The following KCNS3 variants were observed in gnomAD, a reference collection of about 807,000 sequenced individuals.
KCNS3 encodes the protein delayed-rectifier potassium channel regulatory subunit KCNS3.
Under a neutral mutation model 31.0 loss-of-function variants are expected in KCNS3, and 13 were observed. The ratio of observed to expected loss-of-function variants is 0.42; its 90% CI spans 0.27 to 0.67. The LOEUF (loss-of-function observed/expected upper bound fraction) is 0.67, where lower values mean the gene tolerates loss of function less well. Among genes scored for constraint, KCNS3 ranks in the 30% least tolerant of loss-of-function variants. KCNS3 has a pLI of 0.25. For missense variants in KCNS3, 545 were observed against 622.4 expected (o/e 0.88, Z 1.32); for synonymous variants, 238 against 241.5 (o/e 0.99, Z 0.13).
chr2:17,884,462 G>C (rs1288923928), intron 1 of KCNS3, among the ~76,000 whole-genome samples: 1 of 151,748 alleles, frequency 6.6e-6, no homozygotes. Flanking sequence ...AGGCTGTGAA[G>C]AACAGATAGA....
Position 17,930,940 on chromosome 2 carries a change from C to T in KCNS3, c.-59-10C>T, listed in dbSNP as rs1421129072. On this transcript the variant is annotated splice_polypyrimidine_tract_variant and intron_variant, in intron 2 of 2. Coordinates refer to ENST00000304101, the MANE Select transcript of KCNS3 (RefSeq NM_002252.5). The stretch of plus-strand genomic sequence containing the variant: ...GACAGAGTGCTAATATCATCTTGTG[C>T]TCTTTCCAGGTGCAGCCTGATCTTC... 2 of 1,540,662 alleles carry T rather than the reference C, an allele frequency of 1.3e-6. No homozygotes were observed. Among genetic ancestry groups the T allele is most frequent in the East Asian group, 2.3e-5 (1 of 44,388 alleles).
intron 1 of KCNS3, among the ~76,000 whole-genome samples, chr2:17,912,659 G>T (rs937244422): frequency 3.3e-5 from 5 of 152,230 alleles, no homozygotes; most frequent in Non-Finnish European, 5.9e-5. Flanking sequence ...CCAGGGGGAG[G>T]TTGTCTAGAA....
intron 1 of KCNS3, among the ~76,000 whole-genome samples, chr2:17,890,552 G>A (rs990512092): frequency 6.6e-6 from 1 of 151,984 alleles, no homozygotes; most frequent in African/African-American, 2.4e-5. Context: ...ACTTTTTGAG[G>A]TAGGCACTTA....
chr2:17,923,708 C>T (rs1186393785), intron 2 of KCNS3, among the ~76,000 whole-genome samples: 1 of 151,668 alleles, frequency 6.6e-6, no homozygotes, highest in African/African-American at 2.4e-5. Flanking sequence ...CCAGCTGTTC[C>T]AATACTATTT....
chr2:17,897,889 A>G (rs1662069184), intron 1 of KCNS3, among the ~76,000 whole-genome samples: 1 of 152,164 alleles, frequency 6.6e-6, no homozygotes, highest in African/African-American at 2.4e-5. Context: ...AATGACTTCT[A>G]GAAAGAAAAC....
intron 1 of KCNS3, among the ~76,000 whole-genome samples, chr2:17,911,142 C>G (rs62131499): frequency 5.9e-5 from 9 of 152,232 alleles, no homozygotes; most frequent in African/African-American, 2.2e-4. Flanking sequence ...CTCTTCTGAA[C>G]TTCCTCAATA....
At chr2:17,910,250 T>C (rs964023307) in intron 1 of KCNS3, among the ~76,000 whole-genome samples, 1 of 152,222 alleles carries the variant, frequency 6.6e-6, no homozygotes, top group African/African-American at 2.4e-5. Flanking sequence ...TATTTTGAGA[T>C]CTCTTCAATA....
At chr2:17,900,165 C>T (rs934161735) in intron 1 of KCNS3, among the ~76,000 whole-genome samples, 3 of 152,118 alleles carry the variant, frequency 2.0e-5, no homozygotes, top group African/African-American at 7.2e-5. Flanking sequence ...AGATTGTTTG[C>T]TTATTCATTA....
intron 1 of KCNS3, among the ~76,000 whole-genome samples, chr2:17,907,656 TG>T (rs1252825068): frequency 6.6e-5 from 10 of 152,282 alleles, no homozygotes; most frequent in African/African-American, 2.4e-4. Context: ...GCAGGCCTGG[TG>T]GTGACAAAAT....
chr2:17,880,189 T>C (rs142798554), intron 1 of KCNS3, among the ~76,000 whole-genome samples: 1 of 152,318 alleles, frequency 6.6e-6, no homozygotes, highest in African/African-American at 2.4e-5. Context: ...CCCTCGTGCT[T>C]TGTCTTCCCT....
chr2:17,930,097 G>C (rs796366526), intron 2 of KCNS3, among the ~76,000 whole-genome samples: 16 of 152,292 alleles, frequency 1.1e-4, no homozygotes, highest in African/African-American at 3.6e-4. Flanking sequence ...CTAAAAACAG[G>C]CCACGTGCTC....
In KCNS3 at chr2:17,931,776, C is replaced by T. The variant is rs1257636280; in HGVS notation, c.768C>T (p.Asn256=). 1.2e-6 allele frequency: 2 copies of T among 1,614,128 alleles called. No homozygotes were observed. Among genetic ancestry groups the T allele is most frequent in the Admixed American group, 1.7e-5 (1 of 60,022 alleles). ...CQKKFWKNPL[N]IIDFVSIIPF... is the part of the protein sequence containing the mutation. ...AGAAATTCTGGAAAAACCCTCTGAA[C>T]ATCATTGACTTTGTCTCTATTATTC... The change falls in exon 3 of 3, where the codon AAC becomes AAT. Residue 256 remains asparagine, a synonymous_variant. Coordinates refer to ENST00000304101, the MANE Select transcript of KCNS3 (RefSeq NM_002252.5). This position sits in a 1 kb window ranked among gnomAD's most constrained non-coding sequence, Gnocchi z 5.4.
At chr2:17,878,547 G>A (rs1434071438), upstream of KCNS3, 2 of 150,390 alleles carry the variant, frequency 1.3e-5, no homozygotes, top group African/African-American at 4.9e-5. Context: ...GAAGCGAGGG[G>A]CTGGCGGAGC....
At chr2:17,910,798 A>G (rs574412805) in intron 1 of KCNS3, among the ~76,000 whole-genome samples, 1 of 152,224 alleles carries the variant, frequency 6.6e-6, no homozygotes, top group East Asian at 1.9e-4. Flanking sequence ...CTCCTCTCCC[A>G]TAGACATCTC....
intron 1 of KCNS3, among the ~76,000 whole-genome samples, chr2:17,897,880 A>T (rs1662068837): frequency 6.6e-6 from 1 of 152,194 alleles, no homozygotes; most frequent in African/African-American, 2.4e-5. Flanking sequence ...CCTTTAATAA[A>T]TGACTTCTAG....
intron 2 of KCNS3, 69 bp from the exon 3 acceptor site, chr2:17,930,881 G>A: frequency 9.9e-7 from 1 of 1,005,170 alleles, no homozygotes; most frequent in Admixed American, 2.7e-5. Flanking sequence ...CCTGGAAAGG[G>A]CAGATTAAAA....
chr2:17,879,108 G>T (rs1329299200), intron 1 of KCNS3, among the ~76,000 whole-genome samples: 1 of 152,218 alleles, frequency 6.6e-6, no homozygotes, highest in Non-Finnish European at 1.5e-5. Flanking sequence ...CCTCGGGGAA[G>T]GTATTTAGGA....
intron 1 of KCNS3, among the ~76,000 whole-genome samples, chr2:17,901,398 C>A (rs943018542): frequency 6.6e-6 from 1 of 152,158 alleles, no homozygotes; most frequent in African/African-American, 2.4e-5. Context: ...GGCTGGCTGC[C>A]AACAGGCCTC....
intron 1 of KCNS3, among the ~76,000 whole-genome samples, chr2:17,915,941 T>C (rs568978243): frequency 6.6e-6 from 1 of 152,210 alleles, no homozygotes; most frequent in South Asian, 2.1e-4. Flanking sequence ...ATGTCATTTA[T>C]TCATTAGACA....
Sources: gnomAD v4.1 joint callset for allele counts (sites outside exome capture counted in the v4.1 genomes callset) on GRCh38, gnomAD v4.1.1 for gene constraint, Gnocchi (gnomAD v3.1) non-coding constraint, MANE v1.5 for transcripts, NCBI Gene and HGNC (gene_info 2026-07-23, HGNC 2026-07-21) for gene names.